The following KHDC4 variants were observed in gnomAD, a reference collection of about 807,000 sequenced individuals.
KHDC4 encodes the protein KH homology domain-containing protein 4.
A neutral mutation model predicts 74.5 loss-of-function variants in KHDC4; 19 were observed. The observed-to-expected ratio is 0.26, with a 90% CI of 0.18 to 0.37. The LOEUF is 0.37. Among genes scored for constraint, KHDC4 ranks in the 10% least tolerant of loss-of-function variants. The pLI is 1.00. For missense variants in KHDC4, 632 were observed against 754.1 expected (o/e 0.84, Z 1.90); for synonymous variants, 253 against 266.1 (o/e 0.95, Z 0.48).
chr1:155,934,202 A>C, intron 1 of KHDC4, 134 bp downstream of exon 1: 1 of 997,140 alleles, frequency 1.0e-6, no homozygotes. Context: ...CCTGCTCAAG[A>C]TCCTTCTCCC....
At chr1:155,933,578 C>T (rs1426663780) in intron 2 of KHDC4, 55 bp downstream of exon 2, 4 of 1,438,660 alleles carry the variant, frequency 2.8e-6, no homozygotes, top group Non-Finnish European at 3.8e-6. Flanking sequence ...GCCACCGCGC[C>T]CGGCAAAACA....
chr1:155,915,962 T>C lies in KHDC4; in HGVS notation c.1556A>G (p.Gln519Arg). ...TGGAAAGGCTGGTGGAGGCATCAAC[T>C]GCCTATTGAAAAACAAAATGAAACT... ...SSGKERERDR[Q>R]LMPPPAFPVT... Residue 519 changes from glutamine to arginine, a missense_variant and splice_region_variant, in exon 13 of 14, where the codon CAG (glutamine) becomes CGG (arginine). This residue lies in a region of KHDC4 where 254 missense variants were observed against 267.4 expected (regional missense o/e 0.95). Coordinates refer to ENST00000368321, the MANE Select transcript of KHDC4 (RefSeq NM_014949.4). 3.8e-6 allele frequency: 6 copies of C among 1,572,892 alleles called. No individual in the cohort carries two copies. Among genetic ancestry groups the C allele is most frequent in the Non-Finnish European group, 5.2e-6 (6 of 1,162,104 alleles).
rs1673685203 is a variant in KHDC4, at chr1:155,914,308, T to C, written c.1658A>G (p.Lys553Arg). 3 of 1,613,818 alleles carry C rather than the reference T, an allele frequency of 1.9e-6. No homozygotes were observed. The highest frequency in any genetic ancestry group is 3.3e-5 in the Admixed American group (2 of 59,984). ...TCCCTTCTCTGTAGTTTTCATCTTC[T>C]TGGCTGGATAATCTAGAATAGAGAA... is the stretch of plus-strand genomic sequence containing the variant. ...TLTGSHDYPA[K>R]KMKTTEKGFG... The change falls in exon 14 of 14, where the codon AAG (lysine) becomes AGG (arginine). Residue 553 changes from lysine to arginine, a missense_variant. Around this residue, in one of 4 missense-constraint regions of KHDC4, gnomAD observed 254 missense variants for 267.4 expected, o/e 0.95. Transcript: ENST00000368321.
At chr1:155,918,383 C>T (rs1673779820) in intron 10 of KHDC4, among the ~76,000 whole-genome samples, 1 of 152,088 alleles carries the variant, frequency 6.6e-6, no homozygotes, top group Non-Finnish European at 1.5e-5. Context: ...CAGGCACGTG[C>T]CACCATGCAC....
chr1:155,921,730 A>T (rs1441298236), intron 9 of KHDC4, 102 bp from the exon 10 acceptor site: 1 of 1,478,240 alleles, frequency 6.8e-7, no homozygotes, highest in Admixed American at 1.9e-5. Context: ...CTGAGGCATG[A>T]ATGGCTTTCC....
intron 11 of KHDC4, 60 bp from the exon 12 acceptor site, chr1:155,916,797 T>A: frequency 1.8e-6 from 2 of 1,106,758 alleles, no homozygotes; most frequent in Non-Finnish European, 2.7e-6. Flanking sequence ...TGACTTTAGC[T>A]CCTTAATGTA....
At chr1:155,914,525 C>T (rs1250667651) in intron 13 of KHDC4, 3 of 478,378 alleles carry the variant, frequency 6.3e-6, no homozygotes, top group Non-Finnish European at 7.3e-6. Context: ...TCCACCAGAA[C>T]CATGTAAGAA....
intron 2 of KHDC4, 67 bp from the exon 3 acceptor site, chr1:155,929,907 T>G (rs907008783): frequency 5.6e-6 from 6 of 1,079,582 alleles, no homozygotes; most frequent in Non-Finnish European, 6.1e-6. Context: ...TTTATTTTAT[T>G]TATTTACTTA....
intron 7 of KHDC4, 87 bp from the exon 8 acceptor site, chr1:155,923,774 T>G: frequency 1.0e-6 from 1 of 975,918 alleles, no homozygotes; most frequent in East Asian, 2.5e-5. Context: ...CTATTTTACA[T>G]ATCTACATTA....
In KHDC4 at chr1:155,925,090, A is replaced by C. The variant is rs1356599327; in HGVS notation, c.893+542T>G. 5.4e-5 allele frequency among the ~76,000 whole-genome samples: 8 copies of C among 149,136 alleles called. No homozygotes were observed. The East Asian group carries it at 1.2e-3, about 22-fold the overall frequency. On this transcript the variant is annotated intron_variant, in intron 7 of 13. Transcript: ENST00000368321. ...CACCCAGGCTGGAGTGCAGTGGCGC[A>C]ATCTCAGCTCACTGCAAGCTCCACC...
At position 155,934,369 on chromosome 1, in the gene KHDC4, G is replaced by A. The variant is rs778805205; in HGVS notation, c.5C>T (p.Ser2Phe). The A allele has an allele frequency of 1.2e-5, 20 of 1,611,588 alleles. No individual in the cohort carries two copies. Among genetic ancestry groups the A allele is most frequent in the South Asian group, 5.5e-5 (5 of 91,052 alleles). ...TCCAGGATGTGTCGCGCTCCCCGCG[G>A]ACATGGCGACCGCTTCTACTCAACC... MSAGSATHPGAG... is the reference protein window; with the variant it reads MFAGSATHPGAG... Residue 2 changes from serine (S) to phenylalanine (F), a missense_variant, in exon 1 of 14, where the codon TCC becomes TTC. Ser to Phe is a radical substitution (Grantham distance 155). This residue lies in a region of KHDC4 where 104 missense variants were observed against 78.1 expected (regional missense o/e 1.33). Coordinates refer to ENST00000368321, the MANE Select transcript of KHDC4 (RefSeq NM_014949.4).
intron 13 of KHDC4, 21 bp from the exon 14 acceptor site, chr1:155,914,341 C>A (rs1312865968): frequency 6.4e-7 from 1 of 1,560,162 alleles, no homozygotes; most frequent in Non-Finnish European, 8.8e-7. Context: ...GAAAAAACAA[C>A]CCCAACCCCA....
intron 13 of KHDC4, 90 bp from the exon 14 acceptor site, chr1:155,914,410 A>C: frequency 9.2e-7 from 1 of 1,091,050 alleles, no homozygotes; most frequent in Non-Finnish European, 1.3e-6. Context: ...AAAGATGTTA[A>C]TTTTAAGTGG....
chr1:155,916,654 A>T lies in KHDC4; in HGVS notation c.1524T>A (p.Ser508Arg), dbSNP rs1673737299. 1 of 1,613,488 alleles carries T rather than the reference A, an allele frequency of 6.2e-7. No individual in the cohort carries two copies. Among genetic ancestry groups the T allele is most frequent in the African/African-American group, 1.3e-5 (1 of 74,938 alleles). The change falls in exon 12 of 14, where the codon AGT becomes AGA. Residue 508 changes from serine (S) to arginine (R), a missense_variant. Transcript: ENST00000368321. ...CCCTCTCTCTCTCTTTGCCTGAGGA[A>T]CTTGCTGGCTTCGATCCTGCACCTT... The part of the protein sequence containing the change: ...EIEGAGSKPA[S>R]SSGKERERDR...
intron 1 of KHDC4, 121 bp downstream of exon 1, chr1:155,934,215 A>T: frequency 1.4e-5 from 15 of 1,086,746 alleles, no homozygotes; most frequent in Non-Finnish European, 2.0e-5. Flanking sequence ...CTTCTCCCCA[A>T]ACGTCCAGCC....
chr1:155,913,555 T>C lies in KHDC4; in HGVS notation c.*566A>G, dbSNP rs1673673017. Reference sequence around the variant, plus strand: ...CAATGAAAAAATAATTTCATTTTCCTATCCAGGATCCAGCTATATCCAACA... The same window carrying C: ...CAATGAAAAAATAATTTCATTTTCCCATCCAGGATCCAGCTATATCCAACA... On this transcript the variant is annotated 3_prime_UTR_variant, in exon 14 of 14. Transcript: ENST00000368321. 2 of 152,488 alleles carry C rather than the reference T, an allele frequency of 1.3e-5. No individual in the cohort carries two copies. Among genetic ancestry groups the C allele is most frequent in the Admixed American group, 1.3e-4 (2 of 15,280 alleles). 9.4% of individuals were successfully genotyped at this position (152,488 alleles called of 1,614,324 possible). A position where few individuals can be genotyped will look rare whatever the true frequency, so the allele number is the denominator to read the frequency against.
At chr1:155,914,353 C>A (rs762302998) in intron 13 of KHDC4, 33 bp from the exon 14 acceptor site, 4 of 1,504,508 alleles carry the variant, frequency 2.7e-6, no homozygotes, top group East Asian at 2.3e-5. Context: ...CCAACCCCAT[C>A]CCCGCCAAGG....
chr1:155,916,488 CAACA>C (rs1255462373), intron 12 of KHDC4, 133 bp downstream of exon 12: 9 of 663,986 alleles, frequency 1.4e-5, no homozygotes, highest in Non-Finnish European at 2.1e-5. Flanking sequence ...GCATCAATTA[CAACA>C]AACAGAAGCA....
intron 9 of KHDC4, 74 bp downstream of exon 9, chr1:155,921,787 C>A (rs554156824): frequency 1.4e-6 from 2 of 1,429,956 alleles, no homozygotes; most frequent in East Asian, 2.3e-5. Context: ...CTGGCACAGT[C>A]TAGCCTCAAG....
Sources: gnomAD v4.1 joint callset for allele counts (sites outside exome capture counted in the v4.1 genomes callset) on GRCh38, gnomAD v4.1.1 for gene constraint, gnomAD v4.1.1 regional missense constraint, MANE v1.5 for transcripts, NCBI Gene and HGNC (gene_info 2026-07-23, HGNC 2026-07-21) for gene names.